The following KHDRBS2 variants were observed in gnomAD, a reference collection of about 807,000 sequenced individuals.
KHDRBS2 encodes KH domain-containing, RNA-binding, signal transduction-associated protein 2.
KHDRBS2 carries 26 observed loss-of-function variants against 44.3 expected under a neutral mutation model. The ratio of observed to expected loss-of-function variants is 0.59; its 90% CI spans 0.43 to 0.81. The LOEUF (loss-of-function observed/expected upper bound fraction) is 0.81. Ranked by LOEUF, KHDRBS2 falls within the 40% of genes least tolerant of loss-of-function variation. The pLI, the probability that KHDRBS2 is intolerant of heterozygous loss-of-function variation, is 0.00. For missense variants in KHDRBS2, 476 were observed against 433.1 expected (o/e 1.10, Z -0.88); for synonymous variants, 194 against 151.1 (o/e 1.28, Z -2.08).
intron 6 of KHDRBS2, among the ~76,000 whole-genome samples, chr6:61,795,305 TG>T (rs1376419733): frequency 1.3e-5 from 2 of 152,164 alleles, no homozygotes; most frequent in Non-Finnish European, 2.9e-5. Flanking sequence ...AATGAATTAT[TG>T]TGTATGGCTT....
At chr6:61,987,269 A>G (rs1383528448) in intron 3 of KHDRBS2, among the ~76,000 whole-genome samples, 1 of 152,186 alleles carries the variant, frequency 6.6e-6, no homozygotes, top group African/African-American at 2.4e-5. Context: ...CTTAGTTTTA[A>G]TACAATATGC....
chr6:61,937,338 C>G (rs532477627), intron 4 of KHDRBS2, among the ~76,000 whole-genome samples: 1 of 151,848 alleles, frequency 6.6e-6, no homozygotes, highest in South Asian at 2.1e-4. Context: ...TTTATTCAAC[C>G]ATATCAGATA....
chr6:61,808,566 C>A (rs1477252834), intron 6 of KHDRBS2, among the ~76,000 whole-genome samples: 3 of 151,988 alleles, frequency 2.0e-5, no homozygotes, highest in Non-Finnish European at 4.4e-5. Flanking sequence ...AAATATAACT[C>A]TAAAATGGCT....
chr6:61,793,351 C>T (rs1204781541), intron 6 of KHDRBS2, among the ~76,000 whole-genome samples: 1 of 151,832 alleles, frequency 6.6e-6, no homozygotes, highest in East Asian at 1.9e-4. Context: ...TGTTGATACA[C>T]AATATGTGTA....
chr6:62,133,934 G>A (rs936599469), intron 2 of KHDRBS2, among the ~76,000 whole-genome samples: 25 of 152,254 alleles, frequency 1.6e-4, no homozygotes, highest in South Asian at 4.1e-4. Flanking sequence ...TGACTTGGGC[G>A]CTGTAAAAAG....
intron 6 of KHDRBS2, among the ~76,000 whole-genome samples, chr6:61,841,682 G>A (rs1395848800): frequency 1.3e-5 from 2 of 152,080 alleles, no homozygotes; most frequent in African/African-American, 4.8e-5. Flanking sequence ...TCCTGGGCAC[G>A]GTATGAATCA....
intron 2 of KHDRBS2, among the ~76,000 whole-genome samples, chr6:62,094,973 C>T (rs568963094): frequency 2.0e-5 from 3 of 151,756 alleles, no homozygotes; most frequent in Admixed American, 1.3e-4. Flanking sequence ...CATTGTAGTA[C>T]GTTTCACAAT....
intron 1 of KHDRBS2, among the ~76,000 whole-genome samples, chr6:62,239,375 C>T (rs967277386): frequency 6.6e-6 from 1 of 152,068 alleles, no homozygotes; most frequent in African/African-American, 2.4e-5. Flanking sequence ...GAGTCCAAGA[C>T]CAGCCTTGCC....
intron 6 of KHDRBS2, among the ~76,000 whole-genome samples, chr6:61,791,186 G>A (rs1327637302): frequency 6.6e-6 from 1 of 150,978 alleles, no homozygotes; most frequent in Non-Finnish European, 1.5e-5. Flanking sequence ...TTATTTAAAT[G>A]ATCAACTTCC....
chr6:62,010,960 C>G (rs1290152063), intron 3 of KHDRBS2, among the ~76,000 whole-genome samples: 1 of 152,036 alleles, frequency 6.6e-6, no homozygotes, highest in East Asian at 1.9e-4. Context: ...AAACATTTGT[C>G]CCTCTTATTT....
chr6:62,189,165 C>T (rs1208471873), intron 1 of KHDRBS2, among the ~76,000 whole-genome samples: 8 of 151,716 alleles, frequency 5.3e-5, no homozygotes, highest in South Asian at 2.1e-4. Flanking sequence ...AAAGAACATG[C>T]GTCAGAGGGA....
the KHDRBS2 span, among the ~76,000 whole-genome samples, chr6:61,594,038 T>C: frequency 1.3e-5 from 2 of 152,158 alleles, no homozygotes; most frequent in East Asian, 3.9e-4. Context: ...TTTATTGAGC[T>C]CATACAAATA....
At chr6:61,717,858 A>G (rs954967667) in intron 7 of KHDRBS2, among the ~76,000 whole-genome samples, 1 of 151,758 alleles carries the variant, frequency 6.6e-6, no homozygotes, top group African/African-American at 2.4e-5. Context: ...TATTAAATGC[A>G]TATTCTCTCT....
intron 8 of KHDRBS2, among the ~76,000 whole-genome samples, chr6:61,682,699 T>C (rs1002118079): frequency 2.0e-5 from 3 of 151,854 alleles, no homozygotes; most frequent in African/African-American, 7.2e-5. Context: ...CTCTAGACCA[T>C]GTTGTTTTTG....
chr6:62,238,687 T>TACACAC (rs5876788), intron 1 of KHDRBS2, among the ~76,000 whole-genome samples: 32 of 142,010 alleles, frequency 2.3e-4, no homozygotes, highest in African/African-American at 5.9e-4. Flanking sequence ...AAGTTTTATA[T>TACACAC]ACACACACAC....
chr6:62,221,272 G>C (rs1830848962), intron 1 of KHDRBS2, among the ~76,000 whole-genome samples: 1 of 152,048 alleles, frequency 6.6e-6, no homozygotes, highest in South Asian at 2.1e-4. Flanking sequence ...TGAATATACA[G>C]AGATAGAGAA....
the KHDRBS2 span, among the ~76,000 whole-genome samples, chr6:61,577,486 C>T: frequency 2.0e-5 from 3 of 152,062 alleles, 1 homozygote; most frequent in South Asian, 6.2e-4. Flanking sequence ...GCACCATCTC[C>T]AATCTCAGAC....
chr6:61,733,535 G>T (rs1309191611), intron 6 of KHDRBS2, among the ~76,000 whole-genome samples: 4 of 151,790 alleles, frequency 2.6e-5, no homozygotes, highest in Admixed American at 2.0e-4. Flanking sequence ...GGCAGAGGTT[G>T]CAATGAGCTG....
chr6:61,795,243 T>C (rs2127587116), intron 6 of KHDRBS2, among the ~76,000 whole-genome samples: 2 of 152,180 alleles, frequency 1.3e-5, no homozygotes, highest in Admixed American at 1.3e-4. Context: ...AACAGCAATG[T>C]TGAATTCAAA....
Sources: allele counts gnomAD v4.1 joint callset (sites outside exome capture counted in the v4.1 genomes callset), GRCh38; gene constraint gnomAD v4.1.1; transcripts MANE v1.5; gene names NCBI Gene and HGNC (gene_info 2026-07-23, HGNC 2026-07-21).